Variants in RPS6KB1 observed in about 807,000 individuals in gnomAD.
RPS6KB1 encodes ribosomal protein S6 kinase beta-1.
Under a neutral mutation model 70.2 loss-of-function variants are expected in RPS6KB1, and 12 were observed. The ratio of observed to expected loss-of-function variants is 0.17; its 90% CI spans 0.11 to 0.28. RPS6KB1 has a LOEUF of 0.28. Ranked by LOEUF, RPS6KB1 falls within the 10% of genes least tolerant of loss-of-function variation. The pLI, the probability that RPS6KB1 is intolerant of heterozygous loss-of-function variation, is 1.00. For synonymous variants in RPS6KB1, 175 were observed against 211.2 expected (o/e 0.83, Z 1.49); for missense variants, 270 against 646.6 (o/e 0.42, Z 6.32).
chr17:59,898,584 G>T (rs2041709304), intron 1 of RPS6KB1, among the ~76,000 whole-genome samples: 2 of 151,772 alleles, frequency 1.3e-5, no homozygotes, highest in South Asian at 4.2e-4. Context: ...CTCCCGAGTA[G>T]CTGGGATTAC....
chr17:59,913,962 A>G (rs1179521382), intron 3 of RPS6KB1, among the ~76,000 whole-genome samples: 8 of 152,310 alleles, frequency 5.3e-5, no homozygotes, highest in Non-Finnish European at 1.5e-5. Flanking sequence ...TGGCCTCCCA[A>G]AGTGCCGGGT....
rs1441532036 is a variant in RPS6KB1 at position 59,948,625 on chromosome 17, A to G, written c.*1837A>G. The stretch of plus-strand genomic sequence containing the variant: ...TTTCAATTGTGGCAATAATTGAAAG[A>G]ATCGATAAAAGTTCATCTTTGGACA... On this transcript the variant is annotated 3_prime_UTR_variant, in exon 15 of 15. Coordinates refer to ENST00000225577, the MANE Select transcript of RPS6KB1 (RefSeq NM_003161.4). The G allele has an allele frequency of 6.6e-6, 1 of 152,286 alleles. No individual in the cohort carries two copies. Among genetic ancestry groups the G allele is most frequent in the Non-Finnish European group, 1.5e-5 (1 of 68,002 alleles). 9.4% of individuals were successfully genotyped at this position (152,286 alleles called of 1,614,324 possible).
chr17:59,930,693 G>A (rs2043880192), intron 6 of RPS6KB1: 1 of 152,254 alleles, frequency 6.6e-6, no homozygotes, highest in South Asian at 2.1e-4. Context: ...AACAATATTG[G>A]GTCACAATAA....
chr17:59,927,246 G>C (rs1373598224), intron 5 of RPS6KB1, among the ~76,000 whole-genome samples: 1 of 151,978 alleles, frequency 6.6e-6, no homozygotes, highest in Non-Finnish European at 1.5e-5. Context: ...ACCACGCCTG[G>C]CTAATTTTTG....
rs192267172 is a variant in RPS6KB1, at chr17:59,935,030, A to G, written c.871-163A>G. On this transcript the variant is annotated intron_variant, in intron 9 of 14. Transcript: ENST00000225577. Reference sequence around the variant, plus strand: ...AACATAGTTGAGACCCTGTCTGTAAAACAAAATAAAGGTCTTTAGCAGTTA... The same window carrying G: ...AACATAGTTGAGACCCTGTCTGTAAGACAAAATAAAGGTCTTTAGCAGTTA... 1,373 of 539,348 alleles carry G rather than the reference A, an allele frequency of 2.5e-3. 51 individuals are homozygous for G. In the Admixed American group the frequency reaches 0.041, roughly 16 times the overall value. 33.4% of individuals were successfully genotyped at this position (539,348 alleles called of 1,614,324 possible).
intron 4 of RPS6KB1, among the ~76,000 whole-genome samples, chr17:59,925,871 C>T (rs770290243): frequency 3.3e-5 from 5 of 152,014 alleles, no homozygotes; most frequent in Non-Finnish European, 5.9e-5. Context: ...ATCTCGAACT[C>T]CTGGGCTCAA....
rs369352640 is a variant in RPS6KB1, at chr17:59,912,691, G to C, written c.199G>C (p.Glu67Gln). 18 of 1,612,712 alleles carry C rather than the reference G, an allele frequency of 1.1e-5. No homozygotes were observed. The highest frequency in any genetic ancestry group is 1.7e-4 in the Middle Eastern group (1 of 6,048). The change falls in exon 3 of 15, where the codon GAA (glutamate) becomes CAA (glutamine). Residue 67 changes from glutamate (E) to glutamine (Q), a missense_variant. Glu to Gln is a conservative substitution (Grantham distance 29). Transcript: ENST00000225577. ...GGVGPYELGM[E>Q]HCEKFEISET... ...TTTTGCTTTTCTTCCCAGTGGCATG[G>C]AACATTGTGAGAAATTTGAAATCTC...
intron 6 of RPS6KB1, chr17:59,930,483 T>C: frequency 3.4e-6 from 1 of 290,838 alleles, no homozygotes; most frequent in South Asian, 6.5e-5. Flanking sequence ...AGTGAACCTT[T>C]ATGTGTGGAA....
At chr17:59,896,340 C>T (rs2041564077) in intron 1 of RPS6KB1, among the ~76,000 whole-genome samples, 1 of 152,058 alleles carries the variant, frequency 6.6e-6, no homozygotes, top group Non-Finnish European at 1.5e-5. Flanking sequence ...ATTACAGGCA[C>T]CCGCCACCAG....
At chr17:59,916,333 C>T (rs1025480988) in intron 4 of RPS6KB1, among the ~76,000 whole-genome samples, 2 of 152,126 alleles carry the variant, frequency 1.3e-5, no homozygotes, top group African/African-American at 2.4e-5. Context: ...CTCCTGACCT[C>T]GGGGGATCGG....
chr17:59,893,362 G>A lies in RPS6KB1; in HGVS notation c.141+37G>A. 6.4e-7 allele frequency: 1 copy of A among 1,567,798 alleles called. No homozygotes were observed. ...GGTCCCCGGGGGCCCGAGGTGACAGGGCCGGGGCGGCGGCGCGGGCTCAGG... is the reference window on the plus strand; with the variant it reads ...GGTCCCCGGGGGCCCGAGGTGACAGAGCCGGGGCGGCGGCGCGGGCTCAGG... On this transcript the variant is annotated intron_variant, in intron 1 of 14. Coordinates refer to ENST00000225577, the MANE Select transcript of RPS6KB1 (RefSeq NM_003161.4). The surrounding 1 kb of genome is among the most constrained non-coding windows in gnomAD (Gnocchi z 4.1).
chr17:59,910,716 T>C, intron 2 of RPS6KB1, 105 bp downstream of exon 2: 1 of 708,006 alleles, frequency 1.4e-6, no homozygotes, highest in Non-Finnish European at 2.4e-6. Flanking sequence ...TGTTCTTAAA[T>C]ATGTAGTCAT....
intron 6 of RPS6KB1, 130 bp downstream of exon 6, chr17:59,930,304 A>G: frequency 1.4e-6 from 1 of 727,028 alleles, no homozygotes; most frequent in Non-Finnish European, 2.5e-6. Flanking sequence ...CAAGGGGGAG[A>G]AGCAGTTTTG....
chr17:59,899,970 A>G (rs1302899285), intron 1 of RPS6KB1, among the ~76,000 whole-genome samples: 1 of 151,958 alleles, frequency 6.6e-6, no homozygotes, highest in African/African-American at 2.4e-5. Context: ...TTCGAGACCA[A>G]CCTGGCCAAC....
intron 4 of RPS6KB1, among the ~76,000 whole-genome samples, chr17:59,924,634 A>G (rs1284977038): frequency 3.3e-5 from 5 of 151,758 alleles, no homozygotes; most frequent in African/African-American, 4.8e-5. Context: ...CTTCCCTTCC[A>G]TTATCATTAG....
intron 4 of RPS6KB1, among the ~76,000 whole-genome samples, chr17:59,924,778 A>G (rs2043498341): frequency 6.6e-6 from 1 of 151,376 alleles, no homozygotes. Flanking sequence ...ACTCTTTTGT[A>G]TCTTGTTTTT....
At chr17:59,921,390 C>T (rs866949603) in intron 4 of RPS6KB1, among the ~76,000 whole-genome samples, 1 of 152,086 alleles carries the variant, frequency 6.6e-6, no homozygotes, top group Non-Finnish European at 1.5e-5. Flanking sequence ...ATAAAGATGT[C>T]ATTAGGGTTA....
At chr17:59,920,148 G>T (rs1010984887) in intron 4 of RPS6KB1, among the ~76,000 whole-genome samples, 16 of 151,406 alleles carry the variant, frequency 1.1e-4, no homozygotes, top group African/African-American at 2.9e-4. Flanking sequence ...CTCCTGAGTA[G>T]CTGGGATTAC....
At chr17:59,910,058 A>G (rs560427172) in intron 1 of RPS6KB1, among the ~76,000 whole-genome samples, 1 of 151,632 alleles carries the variant, frequency 6.6e-6, no homozygotes, top group East Asian at 1.9e-4. Flanking sequence ...ATGGTGGTAC[A>G]TGCCTATACT....
Sources: gnomAD v4.1 joint callset for allele counts (sites outside exome capture counted in the v4.1 genomes callset) on GRCh38, gnomAD v4.1.1 for gene constraint, Gnocchi (gnomAD v3.1) non-coding constraint, MANE v1.5 for transcripts, NCBI Gene and HGNC (gene_info 2026-07-23, HGNC 2026-07-21) for gene names.